The following DUSP4 variants were observed in gnomAD, a reference collection of about 807,000 sequenced individuals.
DUSP4 encodes the protein dual specificity phosphatase 4, also known as dual specificity protein phosphatase 4.
In DUSP4, 12 loss-of-function variants were observed where a neutral mutation model predicts 27.2. That is an observed-to-expected ratio of 0.44 (90% confidence interval 0.28 to 0.71). The LOEUF is 0.71. DUSP4 is among the 30% of genes least tolerant of loss of function. The pLI is 0.14. For missense variants in DUSP4, 448 were observed against 551.3 expected (o/e 0.81, Z 1.88); for synonymous variants, 257 against 245.2 (o/e 1.05, Z -0.45).
Position 29,337,153 on chromosome 8 carries a change from C to A in DUSP4, c.1058G>T (p.Arg353Leu), listed in dbSNP as rs772256235. 2 of 1,610,890 alleles carry A rather than the reference C, an allele frequency of 1.2e-6. No homozygotes were observed. The highest frequency in any genetic ancestry group is 2.2e-5 in the East Asian group (1 of 44,802). ...AASPSGPLRE[R>L]GKTPATPTSQ... Reference sequence around the variant, plus strand: ...GGTGGGGGTGGCGGGGGTCTTGCCCCGCTCCCGCAGGGGTCCCGAGGGGCT... The same window carrying A: ...GGTGGGGGTGGCGGGGGTCTTGCCCAGCTCCCGCAGGGGTCCCGAGGGGCT... Residue 353 changes from arginine to leucine, a missense_variant, in exon 4 of 4, where the codon CGG becomes CTG. Physicochemically the swap from Arg to Leu is moderately radical, Grantham distance 102 (BLOSUM62 -2). Coordinates refer to ENST00000240100, the MANE Select transcript of DUSP4 (RefSeq NM_001394.7). This position sits in a 1 kb window ranked among gnomAD's most constrained non-coding sequence, Gnocchi z 6.4.
At chr8:29,348,151 G>C in intron 1 of DUSP4, 1 of 985,576 alleles carries the variant, frequency 1.0e-6, no homozygotes, top group Non-Finnish European at 1.2e-6. Context: ...CTGGTCCCGG[G>C]TTTGGACGCC....
At chr8:29,346,842 A>T (rs900204936) in intron 1 of DUSP4, among the ~76,000 whole-genome samples, 2 of 152,212 alleles carry the variant, frequency 1.3e-5, no homozygotes, top group Admixed American at 1.3e-4. Flanking sequence ...GAAAAACTGA[A>T]TTTTAAAATG....
intron 1 of DUSP4, among the ~76,000 whole-genome samples, chr8:29,341,679 C>A (rs1454157798): frequency 1.3e-5 from 2 of 152,168 alleles, no homozygotes; most frequent in African/African-American, 4.8e-5. Context: ...CACTTCATCA[C>A]AGAAGCACCC....
chr8:29,339,521 T>C (rs1817624961), intron 2 of DUSP4, among the ~76,000 whole-genome samples: 1 of 152,144 alleles, frequency 6.6e-6, no homozygotes, highest in African/African-American at 2.4e-5. Flanking sequence ...GGAGGCCTCC[T>C]CACTTGTCCG....
At position 29,349,981 on chromosome 8, in the gene DUSP4, C is replaced by T. The variant is rs1817797837; in HGVS notation, c.298G>A (p.Gly100Ser). The T allele has an allele frequency of 6.4e-7, 1 of 1,573,702 alleles. No homozygotes were observed. The highest frequency in any genetic ancestry group is 8.6e-7 in the Non-Finnish European group (1 of 1,164,858). Residue 100 changes from glycine to serine, a missense_variant, in exon 1 of 4, where the codon GGC becomes AGC. Gly to Ser is a moderately conservative substitution (Grantham distance 56). Transcript: ENST00000240100. ...TAGACGATGACCGCCGAGTAGAGGC[C>T]GGAGCGCAAGCGGGCGCGTACCTCC... ...EEEVRARLRS[G>S]LYSAVIVYDE... is the part of the protein sequence containing the mutation.
In DUSP4 at chr8:29,350,505, G is replaced by A. The variant is rs540680287; in HGVS notation, c.-227C>T. Reference sequence around the variant, plus strand: ...AGCGGCCTCGGGCGCCCAGCCGGGCGGCGCGCAGAGCGGAGGGGGAGGCGC... The same window carrying A: ...AGCGGCCTCGGGCGCCCAGCCGGGCAGCGCGCAGAGCGGAGGGGGAGGCGC... On this transcript the variant is annotated 5_prime_UTR_variant, in exon 1 of 4. Coordinates refer to ENST00000240100, the MANE Select transcript of DUSP4 (RefSeq NM_001394.7). 1.8e-6 allele frequency: 1 copy of A among 560,748 alleles called. No homozygotes were observed. Among genetic ancestry groups the A allele is most frequent in the Non-Finnish European group, 3.0e-6 (1 of 329,194 alleles). The allele number at this position is 560,748 out of a possible 1,614,324, so 34.7% of individuals were successfully genotyped here.
chr8:29,343,632 G>A (rs760353677), intron 1 of DUSP4, among the ~76,000 whole-genome samples: 13 of 146,608 alleles, frequency 8.9e-5, no homozygotes, highest in Non-Finnish European at 1.5e-4. Flanking sequence ...TCCAAATAGG[G>A]CACTGCTGAT....
intron 1 of DUSP4, among the ~76,000 whole-genome samples, chr8:29,343,802 G>T (rs2117272657): frequency 6.6e-6 from 1 of 152,292 alleles, no homozygotes; most frequent in African/African-American, 2.4e-5. Context: ...CTTCAGATGT[G>T]CATGTATCCC....
intron 1 of DUSP4, chr8:29,348,719 G>C: frequency 3.0e-6 from 3 of 985,568 alleles, no homozygotes; most frequent in Non-Finnish European, 3.6e-6. Flanking sequence ...GAAGAGGAGC[G>C]GAAAGGAAAG....
chr8:29,345,929 G>A, intron 1 of DUSP4: 6 of 660,596 alleles, frequency 9.1e-6, no homozygotes, highest in Non-Finnish European at 1.0e-5. Flanking sequence ...ACATTTGTAA[G>A]CAGAAACTAC....
rs1293819974 is a variant in DUSP4 at position 29,336,489 on chromosome 8, T to C, written c.*537A>G. ...TTAATAAATACTTTATTATTAAGCA[T>C]AATTATTCATCTGTTGGTGACTGAG... On this transcript the variant is annotated 3_prime_UTR_variant, in exon 4 of 4. Transcript: ENST00000240100. The C allele has an allele frequency of 6.6e-6, 1 of 152,486 alleles. No homozygotes were observed. Among genetic ancestry groups the C allele is most frequent in the Admixed American group, 6.5e-5 (1 of 15,292 alleles). 9.4% of individuals were successfully genotyped at this position (152,486 alleles called of 1,614,324 possible). A position where few individuals can be genotyped will look rare whatever the true frequency, so the allele number is the denominator to read the frequency against.
intron 1 of DUSP4, among the ~76,000 whole-genome samples, chr8:29,346,470 T>A (rs773483610): frequency 1.3e-4 from 20 of 152,218 alleles, no homozygotes; most frequent in Non-Finnish European, 2.4e-4. Flanking sequence ...TTTGTCTTTC[T>A]CTAATGACCA....
chr8:29,343,785 A>G (rs753385329), intron 1 of DUSP4, among the ~76,000 whole-genome samples: 11 of 152,220 alleles, frequency 7.2e-5, no homozygotes, highest in Non-Finnish European at 1.6e-4. Flanking sequence ...CATTTTATGG[A>G]ACTTTTCTTC....
intron 2 of DUSP4, among the ~76,000 whole-genome samples, 192 bp from the exon 3 acceptor site, chr8:29,338,693 C>T (rs1817614742): frequency 6.6e-6 from 1 of 152,184 alleles, no homozygotes; most frequent in Admixed American, 6.5e-5. Flanking sequence ...TGGGACTTCT[C>T]CAGCCTTTGC....
At chr8:29,339,631 G>A (rs958402042) in intron 2 of DUSP4, among the ~76,000 whole-genome samples, 3 of 152,104 alleles carry the variant, frequency 2.0e-5, no homozygotes, top group Admixed American at 6.5e-5. Flanking sequence ...GAAGTAAATA[G>A]GTCCTACCTA....
chr8:29,348,867 G>A, intron 1 of DUSP4: 4 of 892,550 alleles, frequency 4.5e-6, no homozygotes, highest in Non-Finnish European at 5.4e-6. Flanking sequence ...GCGGCGGCGG[G>A]AGGCGGAGGC....
chr8:29,343,504 G>C (rs1394719801), intron 1 of DUSP4, among the ~76,000 whole-genome samples: 2 of 152,214 alleles, frequency 1.3e-5, no homozygotes, highest in Admixed American at 6.5e-5. Flanking sequence ...AGTCATCTCT[G>C]GGTGTCAGTC....
At chr8:29,349,191 C>T (rs1350514533) in intron 1 of DUSP4, among the ~76,000 whole-genome samples, 1 of 152,258 alleles carries the variant, frequency 6.6e-6, no homozygotes, top group Non-Finnish European at 1.5e-5. Context: ...CGGCGTCCCC[C>T]AGATACCCAG....
intron 1 of DUSP4, among the ~76,000 whole-genome samples, chr8:29,347,005 G>A (rs963450867): frequency 1.3e-5 from 2 of 152,088 alleles, no homozygotes; most frequent in African/African-American, 4.8e-5. Flanking sequence ...TTACAGACAC[G>A]CACAGGCACA....
Sources: allele counts gnomAD v4.1 joint callset (sites outside exome capture counted in the v4.1 genomes callset), GRCh38; gene constraint gnomAD v4.1.1; non-coding constraint Gnocchi (gnomAD v3.1); transcripts MANE v1.5; gene names NCBI Gene and HGNC (gene_info 2026-07-23, HGNC 2026-07-21).